Variants in C10orf71 observed in about 807,000 individuals in gnomAD.
C10orf71 encodes the protein cardiac-enriched FHL2-interacting protein.
For missense variants in C10orf71, 1,869 were observed against 1,804.5 expected (o/e 1.04, Z -0.65); for synonymous variants, 758 against 726.3 (o/e 1.04, Z -0.70).
At chr10:49,310,787 ATGATGATGATGATGG>A (rs953616633) in intron 1 of C10orf71, among the ~76,000 whole-genome samples, 9 of 151,368 alleles carry the variant, frequency 5.9e-5, no homozygotes. Context: ...GATGATGATG[ATGATGATGATGATGG>A]TGATGATGAT....
rs377665784 is a variant in C10orf71, at chr10:49,313,438, AAGG to A, written c.-247-2704_-247-2702del. ...TGTTTGGAAAGAGAGGATCTGTGTT[AAGG>A]AGATTGATCTTCATTCCTTAAAACT... On this transcript the variant is annotated intron_variant, in intron 1 of 2. Coordinates refer to ENST00000374144, the MANE Select transcript of C10orf71 (RefSeq NM_001135196.2). 3.4e-3 allele frequency among the ~76,000 whole-genome samples: 512 copies of A among 152,332 alleles called. 2 individuals are homozygous for A. Among genetic ancestry groups the A allele is most frequent in the African/African-American group, 0.011 (456 of 41,566 alleles).
At position 49,326,624 on chromosome 10, in the gene C10orf71, TCCTC is replaced by T. The variant is rs1849257803; in HGVS notation, c.4080_4083del (p.Phe1360LeufsTer53). The T allele has an allele frequency of 1.3e-6, 2 of 1,550,134 alleles. No homozygotes were observed. Among genetic ancestry groups the T allele is most frequent in the Non-Finnish European group, 1.7e-6 (2 of 1,146,800 alleles). On this transcript the variant is annotated frameshift_variant, in exon 3 of 3. Transcript: ENST00000374144. LOFTEE classifies it low-confidence loss of function (END_TRUNC). ...TCCTCTCAGCTCTCCGCGCCCACCTTCCTCAGGCAGGGCCCTCGTGCCTCCGCGG... is the reference window on the plus strand; with the variant it reads ...TCCTCTCAGCTCTCCGCGCCCACCTTAGGCAGGGCCCTCGTGCCTCCGCGG...
Position 49,322,731 on chromosome 10 carries a change from G to A in C10orf71, c.186G>A (p.Gln62=), listed in dbSNP as rs1849119086. ...YLAVSPDITR[Q]VFGTFHQRTV... ...CTGTGTCCCCGGATATCACCCGACAGGTGTTTGGGACTTTTCACCAGAGAA... is the reference window on the plus strand; with the variant it reads ...CTGTGTCCCCGGATATCACCCGACAAGTGTTTGGGACTTTTCACCAGAGAA... The change falls in exon 3 of 3, where the codon CAG becomes CAA. Residue 62 remains glutamine (Q), a synonymous_variant. Transcript: ENST00000374144. The A allele has an allele frequency of 1.2e-6, 2 of 1,613,834 alleles. No homozygotes were observed. The highest frequency in any genetic ancestry group is 1.7e-5 in the Admixed American group (1 of 59,992).
intron 1 of C10orf71, among the ~76,000 whole-genome samples, chr10:49,300,620 C>T (rs2132393877): frequency 6.6e-6 from 1 of 152,244 alleles, no homozygotes; most frequent in East Asian, 1.9e-4. Flanking sequence ...AGTTTGCTGT[C>T]ACGGTGCTGG....
chr10:49,326,600 C>G lies in C10orf71; in HGVS notation c.4055C>G (p.Ser1352Cys). ...PVTALMPLRCSSQLSAPTFLR... is the reference protein window; with the variant it reads ...PVTALMPLRCCSQLSAPTFLR... The stretch of plus-strand genomic sequence containing the variant: ...ACGGCCTTGATGCCGCTGCGCTGCT[C>G]CTCTCAGCTCTCCGCGCCCACCTTC... The change falls in exon 3 of 3, where the codon TCC becomes TGC. Residue 1352 changes from serine (S) to cysteine (C), a missense_variant. Transcript: ENST00000374144. The G allele has an allele frequency of 6.4e-7, 1 of 1,550,510 alleles. No individual in the cohort carries two copies. Among genetic ancestry groups the G allele is most frequent in the Non-Finnish European group, 8.7e-7 (1 of 1,146,862 alleles).
At chr10:49,317,451 C>T (rs1424182943) in intron 2 of C10orf71, among the ~76,000 whole-genome samples, 1 of 152,162 alleles carries the variant, frequency 6.6e-6, no homozygotes, top group Non-Finnish European at 1.5e-5. Flanking sequence ...CTCTCATTAC[C>T]TCAGAGTATG....
At position 49,325,897 on chromosome 10, in the gene C10orf71, G is replaced by T; in HGVS notation, c.3352G>T (p.Val1118Leu). ...GAGGGAGGACCTGACCCACGCCCTC[G>T]TGTGGGAGGGCGGCTCTGACCCCCT... ...TRREDLTHAL[V>L]WEGGSDPLLE... is the part of the protein sequence containing the mutation. The change falls in exon 3 of 3, where the codon GTG becomes TTG. Residue 1118 changes from valine (V) to leucine (L), a missense_variant. By Grantham distance (32) the Val-to-Leu change is conservative (BLOSUM62 1). Coordinates refer to ENST00000374144, the MANE Select transcript of C10orf71 (RefSeq NM_001135196.2). The T allele has an allele frequency of 1.9e-6, 3 of 1,549,946 alleles. No homozygotes were observed. Among genetic ancestry groups the T allele is most frequent in the Non-Finnish European group, 2.6e-6 (3 of 1,145,766 alleles).
At chr10:49,318,300 G>A (rs557715539) in intron 2 of C10orf71, among the ~76,000 whole-genome samples, 26 of 152,334 alleles carry the variant, frequency 1.7e-4, no homozygotes, top group African/African-American at 4.3e-4. Context: ...TCTGAAGACC[G>A]GAGCATGTGT....
chr10:49,313,345 G>A (rs1848947830), intron 1 of C10orf71, among the ~76,000 whole-genome samples: 1 of 152,178 alleles, frequency 6.6e-6, no homozygotes, highest in Non-Finnish European at 1.5e-5. Flanking sequence ...GAAGTAGGGT[G>A]GCATGAAGCT....
At position 49,327,160 on chromosome 10, in the gene C10orf71, T is replaced by G; in HGVS notation, c.*307T>G. ...TCCCTCCCTCCCTTCCTCCCTCTCCTGGCCCACCCTGCTCTTCCCTCGCCC... is the reference window on the plus strand; with the variant it reads ...TCCCTCCCTCCCTTCCTCCCTCTCCGGGCCCACCCTGCTCTTCCCTCGCCC... On this transcript the variant is annotated 3_prime_UTR_variant, in exon 3 of 3. Transcript: ENST00000374144. The G allele has an allele frequency of 2.5e-6, 2 of 791,132 alleles. No individual in the cohort carries two copies. The allele number at this position is 791,132 out of a possible 1,614,324, so 49.0% of individuals were successfully genotyped here. A position where few individuals can be genotyped will look rare whatever the true frequency, so the allele number is the denominator to read the frequency against.
At position 49,323,738 on chromosome 10, in the gene C10orf71, T is replaced by C. The variant is rs771213703; in HGVS notation, c.1193T>C (p.Leu398Ser). Residue 398 changes from leucine (L) to serine (S), a missense_variant, in exon 3 of 3, where the codon TTA (leucine) becomes TCA (serine). Physicochemically the swap from Leu to Ser is moderately radical, Grantham distance 145. Transcript: ENST00000374144. ...KKGKESLQDT[L>S]EEKTQTNQRG... is the part of the protein sequence containing the mutation. ...GGGAAAGAAAGTCTACAAGATACTT[T>C]AGAAGAAAAGACACAGACCAACCAG... 4 of 1,613,872 alleles carry C rather than the reference T, an allele frequency of 2.5e-6. No individual in the cohort carries two copies. The highest frequency in any genetic ancestry group is 1.1e-5 in the South Asian group (1 of 91,070).
chr10:49,323,974 G>C lies in C10orf71; in HGVS notation c.1429G>C (p.Gly477Arg), dbSNP rs141342139. The change falls in exon 3 of 3, where the codon GGA becomes CGA. Residue 477 changes from glycine to arginine, a missense_variant. Physicochemically the swap from Gly to Arg is moderately radical, Grantham distance 125. Transcript: ENST00000374144. ...CCCATCACCCCCAGGACAGCTAAAC[G>C]GATACCAAGAGAAGGAGCCCAGTGA... ...RTPSPPGQLN[G>R]YQEKEPSECQ... 6.2e-7 allele frequency: 1 copy of C among 1,613,616 alleles called. No individual in the cohort carries two copies. Among genetic ancestry groups the C allele is most frequent in the South Asian group, 1.1e-5 (1 of 91,036 alleles).
rs1338349036 is a variant in C10orf71 at position 49,322,908 on chromosome 10, A to C, written c.363A>C (p.Pro121=). ...CCAAAACCAGCCCCCCACCAACGCCAGTCCAGAGGAGACTGGAGGTGCCAG... is the reference window on the plus strand; with the variant it reads ...CCAAAACCAGCCCCCCACCAACGCCCGTCCAGAGGAGACTGGAGGTGCCAG... ...KYPKTSPPPT[P]VQRRLEVPVS... is the part of the protein sequence containing the mutation. The change falls in exon 3 of 3, where the codon CCA becomes CCC. Residue 121 remains proline (P), a synonymous_variant. Coordinates refer to ENST00000374144, the MANE Select transcript of C10orf71 (RefSeq NM_001135196.2). The C allele has an allele frequency of 6.2e-7, 1 of 1,613,814 alleles. No individual in the cohort carries two copies. The highest frequency in any genetic ancestry group is 8.5e-7 in the Non-Finnish European group (1 of 1,179,746).
Position 49,326,463 on chromosome 10 carries a change from G to T in C10orf71, c.3918G>T (p.Lys1306Asn), listed in dbSNP as rs1433430987. Residue 1306 changes from lysine to asparagine, a missense_variant, in exon 3 of 3, where the codon AAG (lysine) becomes AAT (asparagine). By Grantham distance (94) the Lys-to-Asn change is moderately conservative (BLOSUM62 0). Transcript: ENST00000374144. ...CCTTCTATGACCCAGAGACGGGCAA[G>T]TATGTCAAGGTCTCCATCCCGTCCT... ...IKTFYDPETG[K>N]YVKVSIPSSE... 4 of 1,550,290 alleles carry T rather than the reference G, an allele frequency of 2.6e-6. No individual in the cohort carries two copies. Among genetic ancestry groups the T allele is most frequent in the South Asian group, 2.4e-5 (2 of 84,008 alleles).
chr10:49,319,681 GC>G, intron 2 of C10orf71, among the ~76,000 whole-genome samples: 1 of 37,468 alleles, frequency 2.7e-5, no homozygotes, highest in Middle Eastern at 0.023. Context: ...ACACACACAA[GC>G]TATATATATA....
chr10:49,308,821 A>G (rs1848862051), intron 1 of C10orf71, among the ~76,000 whole-genome samples: 1 of 152,214 alleles, frequency 6.6e-6, no homozygotes, highest in South Asian at 2.1e-4. Context: ...GTCTAAATGA[A>G]CTTATAATTT....
intron 1 of C10orf71, among the ~76,000 whole-genome samples, chr10:49,301,151 T>A (rs887616068): frequency 2.0e-5 from 3 of 152,140 alleles, no homozygotes; most frequent in African/African-American, 7.2e-5. Flanking sequence ...GCCGTCTTCC[T>A]CATTGGCTCT....
At chr10:49,297,983 T>TGAATGC (rs1848664492), upstream of C10orf71, among the ~76,000 whole-genome samples, 1 of 152,250 alleles carries the variant, frequency 6.6e-6, no homozygotes, top group African/African-American at 2.4e-5. Flanking sequence ...GAGGCGGGTC[T>TGAATGC]GAATGCTCCT....
rs141458614 is a variant in C10orf71 at position 49,324,777 on chromosome 10, G to A, written c.2232G>A (p.Gln744=). The A allele has an allele frequency of 3.6e-4, 562 of 1,553,154 alleles. 2 individuals carry two copies. In the African/African-American group the frequency reaches 5.7e-3, roughly 16 times the overall value. ...CCTTTGCCTCATTTGATGATCAGCA[G>A]AAGATGTGGTTTACTGAGAACCAGC... ...DQSFASFDDQ[Q]KMWFTENQRE... The change falls in exon 3 of 3, where the codon CAG becomes CAA. Residue 744 remains glutamine, a synonymous_variant. Coordinates refer to ENST00000374144, the MANE Select transcript of C10orf71 (RefSeq NM_001135196.2).
Sources: gnomAD v4.1 joint callset for allele counts (sites outside exome capture counted in the v4.1 genomes callset) on GRCh38, gnomAD v4.1.1 for gene constraint, MANE v1.5 for transcripts, NCBI Gene and HGNC (gene_info 2026-07-23, HGNC 2026-07-21) for gene names.